SRGAP3: variants seen among roughly 807,000 people sequenced by gnomAD.
SRGAP3 encodes the protein SLIT-ROBO Rho GTPase activating protein 3.
SRGAP3 carries 39 observed loss-of-function variants against 121.1 expected under a neutral mutation model. That is an observed-to-expected ratio of 0.32 (90% CI 0.25 to 0.42). The LOEUF is 0.42. Among genes scored for constraint, SRGAP3 ranks in the 10% least tolerant of loss-of-function variants. The probability of loss-of-function intolerance (pLI) is 1.00; values close to 1 mark genes in which losing one functional copy is unlikely to be tolerated. For synonymous variants in SRGAP3, 601 were observed against 570.0 expected, an observed-to-expected ratio of 1.05 and a Z score of -0.77; for missense variants, 1,213 against 1,470.6, an observed-to-expected ratio of 0.82 and a Z score of 2.86.
At chr3:9,210,148 G>T (rs553232164) in intron 1 of SRGAP3, among the ~76,000 whole-genome samples, 1 of 152,336 alleles carries the variant, frequency 6.6e-6, no homozygotes, top group South Asian at 2.1e-4. Flanking sequence ...TAGAGATAAG[G>T]ATGAGAACAC....
At chr3:9,150,702 C>A (rs1004442252) in intron 1 of SRGAP3, among the ~76,000 whole-genome samples, 2 of 152,012 alleles carry the variant, frequency 1.3e-5, no homozygotes, top group Non-Finnish European at 2.9e-5. Context: ...TGGGCTACAG[C>A]AGCCCATCAG....
At chr3:9,243,051 C>G (rs1953702032) in intron 1 of SRGAP3, among the ~76,000 whole-genome samples, 1 of 152,126 alleles carries the variant, frequency 6.6e-6, no homozygotes, top group South Asian at 2.1e-4. Flanking sequence ...TTTGGAGAAA[C>G]AAAGATGACC....
chr3:9,185,908 G>C (rs1218352286), intron 1 of SRGAP3, among the ~76,000 whole-genome samples: 1 of 152,148 alleles, frequency 6.6e-6, no homozygotes, highest in Non-Finnish European at 1.5e-5. Context: ...TGGATGCCAA[G>C]ATTGATTGTT....
intron 1 of SRGAP3, among the ~76,000 whole-genome samples, chr3:9,199,105 G>A (rs1487613253): frequency 6.6e-6 from 1 of 152,012 alleles, no homozygotes; most frequent in Non-Finnish European, 1.5e-5. Context: ...CCAATCCCCA[G>A]CACCTCTCAG....
intron 1 of SRGAP3, among the ~76,000 whole-genome samples, chr3:9,353,183 T>C (rs1476156198): frequency 6.6e-6 from 1 of 152,242 alleles, no homozygotes; most frequent in Non-Finnish European, 1.5e-5. Context: ...TATCCATGTT[T>C]ACCTACAACA....
At chr3:9,301,106 C>T (rs1034122070) in intron 3 of SRGAP3, among the ~76,000 whole-genome samples, 1 of 152,188 alleles carries the variant, frequency 6.6e-6, no homozygotes, top group Admixed American at 6.5e-5. Context: ...AGACCCTTCC[C>T]TTGGTGAAGT....
intron 8 of SRGAP3, among the ~76,000 whole-genome samples, chr3:9,055,092 A>G (rs1945757793): frequency 1.3e-5 from 2 of 152,198 alleles, no homozygotes; most frequent in Non-Finnish European, 1.5e-5. Context: ...TAAATAAAGA[A>G]AACACTCTGT....
intron 14 of SRGAP3, among the ~76,000 whole-genome samples, chr3:9,021,697 A>G (rs926852391): frequency 1.3e-5 from 2 of 152,220 alleles, no homozygotes; most frequent in Non-Finnish European, 2.9e-5. Flanking sequence ...ACTCAGGAGA[A>G]GGGAAAAACA....
At chr3:9,102,327 G>T (rs550110265) in intron 3 of SRGAP3, among the ~76,000 whole-genome samples, 1 of 152,268 alleles carries the variant, frequency 6.6e-6, no homozygotes, top group Non-Finnish European at 1.5e-5. Context: ...GACTTGCCCA[G>T]GGTGCAGTGA....
chr3:9,310,072 C>T (rs1955217328), intron 3 of SRGAP3, among the ~76,000 whole-genome samples: 1 of 152,158 alleles, frequency 6.6e-6, no homozygotes, highest in Non-Finnish European at 1.5e-5. Flanking sequence ...TGATCCCTTT[C>T]TTGTTATACA....
intron 3 of SRGAP3, among the ~76,000 whole-genome samples, chr3:9,083,308 A>G (rs1255716165): frequency 6.6e-6 from 1 of 152,222 alleles, no homozygotes; most frequent in Non-Finnish European, 1.5e-5. Flanking sequence ...GCACATGGTT[A>G]AAGAAATTCT....
intron 3 of SRGAP3, among the ~76,000 whole-genome samples, chr3:9,305,499 T>A (rs905925364): frequency 2.6e-5 from 4 of 152,074 alleles, no homozygotes; most frequent in Middle Eastern, 3.4e-3. Flanking sequence ...CATGTTGGTT[T>A]GCTGCACCCA....
At position 9,131,908 on chromosome 3, in the gene SRGAP3, C is replaced by T. The variant is rs1949465434; in HGVS notation, c.68-6991G>A. On this transcript the variant is annotated intron_variant, in intron 1 of 21. Transcript: ENST00000383836. ...CCTGCCTACCCATCCCCATAACACT[C>T]CTGCTCACTCTCCAAGCAACAGTCT... Among the ~76,000 whole-genome samples the T allele has an allele frequency of 2.0e-5, 3 of 152,098 alleles. No individual in the cohort carries two copies. The South Asian group carries it at 6.2e-4, about 32-fold the overall frequency.
At chr3:9,004,898 A>G (rs980296384) in intron 18 of SRGAP3, among the ~76,000 whole-genome samples, 1 of 152,252 alleles carries the variant, frequency 6.6e-6, no homozygotes, top group Non-Finnish European at 1.5e-5. Flanking sequence ...CATGCGCAAC[A>G]AAAGAAAAAA....
intron 18 of SRGAP3, chr3:9,008,409 G>C (rs183092869): frequency 6.6e-6 from 1 of 152,080 alleles, no homozygotes; most frequent in Admixed American, 6.6e-5. Context: ...CAGGTGCTTC[G>C]GTCAAGACAA....
At chr3:9,212,608 G>A (rs1156537339) in intron 1 of SRGAP3, among the ~76,000 whole-genome samples, 1 of 152,096 alleles carries the variant, frequency 6.6e-6, no homozygotes, top group African/African-American at 2.4e-5. Context: ...CCAGCTACTC[G>A]GGAGGCTAAG....
intron 1 of SRGAP3, among the ~76,000 whole-genome samples, chr3:9,142,829 C>CTTTTTTTTTTTTTTTTTTT (rs397795766): frequency 5.5e-5 from 5 of 90,832 alleles, no homozygotes; most frequent in African/African-American, 1.8e-4. Context: ...GGGCAATTTC[C>CTTTTTTTTTTTTTTTTTTT]TTTTTTTTTT....
chr3:9,294,963 A>G (rs2125271999), intron 3 of SRGAP3, among the ~76,000 whole-genome samples: 1 of 152,214 alleles, frequency 6.6e-6, no homozygotes, highest in Non-Finnish European at 1.5e-5. Context: ...TATTGCTAGC[A>G]TTGCTTTGAA....
chr3:9,075,948 C>T (rs56957080), intron 4 of SRGAP3, among the ~76,000 whole-genome samples: 7 of 152,294 alleles, frequency 4.6e-5, no homozygotes, highest in African/African-American at 1.4e-4. Flanking sequence ...ACTGGCATGG[C>T]TGCAGGCATG....
Sources: allele counts gnomAD v4.1 joint callset (sites outside exome capture counted in the v4.1 genomes callset), GRCh38; gene constraint gnomAD v4.1.1; transcripts MANE v1.5; gene names NCBI Gene and HGNC (gene_info 2026-07-23, HGNC 2026-07-21).